The following TMEM182 variants were observed in gnomAD, a reference collection of about 807,000 sequenced individuals.
TMEM182 encodes transmembrane protein 182.
In TMEM182, 20 loss-of-function variants were observed where a neutral mutation model predicts 26.8. The ratio of observed to expected loss-of-function variants is 0.75; its 90% CI spans 0.53 to 1.09. The LOEUF (loss-of-function observed/expected upper bound fraction) is 1.09, where lower values mean the gene tolerates loss of function less well. Ranked by LOEUF, TMEM182 falls within the 50% of genes least tolerant of loss-of-function variation. The pLI is 0.00. For synonymous variants in TMEM182, 109 were observed against 102.2 expected, an observed-to-expected ratio of 1.07 and a Z score of -0.40; for missense variants, 277 against 275.5, an observed-to-expected ratio of 1.01 and a Z score of -0.04.
At chr2:102,811,920 A>G (rs915222285) in intron 4 of TMEM182, among the ~76,000 whole-genome samples, 1 of 152,270 alleles carries the variant, frequency 6.6e-6, no homozygotes, top group Non-Finnish European at 1.5e-5. Context: ...CAAGATCTGG[A>G]CACTTGGTAT....
At chr2:102,753,826 A>G (rs1679955071) in intron 1 of TMEM182, among the ~76,000 whole-genome samples, 1 of 152,208 alleles carries the variant, frequency 6.6e-6, no homozygotes, top group Non-Finnish European at 1.5e-5. Context: ...CACCTACCTT[A>G]CAGCATTGTG....
At chr2:102,792,813 G>C (rs1466603536) in intron 3 of TMEM182, among the ~76,000 whole-genome samples, 2 of 152,162 alleles carry the variant, frequency 1.3e-5, no homozygotes, top group African/African-American at 2.4e-5. Context: ...ATCTGTGGTT[G>C]TACAGGGGAT....
At chr2:102,839,151 T>C (rs188190385) in intron 3 of TMEM182, among the ~76,000 whole-genome samples, 2 of 152,246 alleles carry the variant, frequency 1.3e-5, no homozygotes, top group African/African-American at 4.8e-5. Flanking sequence ...TTTGTAATTA[T>C]GTTTGTTTCA....
chr2:102,816,550 G>T lies in TMEM182; in HGVS notation c.*1582G>T, dbSNP rs1013122486. On this transcript the variant is annotated 3_prime_UTR_variant, in exon 5 of 5. Coordinates refer to ENST00000412401, the MANE Select transcript of TMEM182 (RefSeq NM_144632.5). ...TAATAATAATAATAATAATAATAAAGCTCCAGAGGCCTAACTGGTTTCTCA... is the reference window on the plus strand; with the variant it reads ...TAATAATAATAATAATAATAATAAATCTCCAGAGGCCTAACTGGTTTCTCA... 1 of 815,666 alleles carries T rather than the reference G, an allele frequency of 1.2e-6. No homozygotes were observed. Among genetic ancestry groups the T allele is most frequent in the African/African-American group, 2.2e-5 (1 of 45,660 alleles). 50.5% of individuals were successfully genotyped at this position (815,666 alleles called of 1,614,324 possible).
At chr2:102,837,171 C>T (rs1683260725) in intron 3 of TMEM182, among the ~76,000 whole-genome samples, 1 of 152,098 alleles carries the variant, frequency 6.6e-6, no homozygotes, top group African/African-American at 2.4e-5. Context: ...ATTCTTAGAA[C>T]ATTAGTTCCA....
upstream of TMEM182, chr2:102,757,422 T>TTA (rs1473445937): frequency 6.6e-6 from 1 of 152,196 alleles, no homozygotes; most frequent in Non-Finnish European, 1.5e-5. Flanking sequence ...GAGAAGATCT[T>TTA]TAACTCCTCC....
chr2:102,797,974 C>T lies in TMEM182; in HGVS notation c.443C>T (p.Ala148Val), dbSNP rs1381659699. Residue 148 changes from alanine (A) to valine (V), a missense_variant, in exon 4 of 5, where the codon GCT becomes GTT. Transcript: ENST00000412401. ...APFASHFLYK[A>V]GGGSYIAAGI... is the part of the protein sequence containing the mutation. ...TTCGCCAGCCATTTTCTCTACAAAG[C>T]TGGGGGAGGCTCATATATTGCTGCA... 1.4e-5 allele frequency: 23 copies of T among 1,613,902 alleles called. No individual in the cohort carries two copies. The highest frequency in any genetic ancestry group is 1.9e-5 in the Non-Finnish European group (23 of 1,180,022).
In TMEM182 at chr2:102,814,896, T is replaced by A. The variant is rs746348425; in HGVS notation, c.618T>A (p.Ala206=). ...GCTGGTCATTTTTCCTGGCCCCAGCTGGGATATTTTTTTCTTTGCTAGCTG... is the reference window on the plus strand; with the variant it reads ...GCTGGTCATTTTTCCTGGCCCCAGCAGGGATATTTTTTTCTTTGCTAGCTG... The part of the protein sequence containing the change: ...LYGWSFFLAP[A]GIFFSLLAGL... The change falls in exon 5 of 5, where the codon GCT becomes GCA. Residue 206 remains alanine (A), a synonymous_variant. Coordinates refer to ENST00000412401, the MANE Select transcript of TMEM182 (RefSeq NM_144632.5). The A allele has an allele frequency of 6.2e-7, 1 of 1,613,896 alleles. No individual in the cohort carries two copies. The highest frequency in any genetic ancestry group is 1.7e-5 in the Admixed American group (1 of 59,938).
In TMEM182 at chr2:102,814,776, G is replaced by C. The variant is rs747549823; in HGVS notation, c.498G>C (p.Leu166=). The C allele has an allele frequency of 1.9e-6, 3 of 1,613,732 alleles. No homozygotes were observed. The highest frequency in any genetic ancestry group is 1.7e-5 in the Admixed American group (1 of 59,908). ...AGILFSLVVM[L]YVIWVQAVAD... is the part of the protein sequence containing the mutation. ...TCCTATTTTCATTGGTGGTGATGCTGTATGTCATCTGGGTCCAGGCAGTGG... is the reference window on the plus strand; with the variant it reads ...TCCTATTTTCATTGGTGGTGATGCTCTATGTCATCTGGGTCCAGGCAGTGG... Residue 166 remains leucine, a synonymous_variant, in exon 5 of 5, where the codon CTG becomes CTC. Coordinates refer to ENST00000412401, the MANE Select transcript of TMEM182 (RefSeq NM_144632.5).
At chr2:102,784,723 A>G (rs1197158713) in intron 3 of TMEM182, among the ~76,000 whole-genome samples, 1 of 152,180 alleles carries the variant, frequency 6.6e-6, no homozygotes, top group Non-Finnish European at 1.5e-5. Flanking sequence ...CAAAGGGTGG[A>G]TTATTCATGC....
rs930327938 is a variant in TMEM182 at position 102,816,126 on chromosome 2, A to C, written c.*1158A>C. 1 of 985,320 alleles carries C rather than the reference A, an allele frequency of 1.0e-6. No homozygotes were observed. Among genetic ancestry groups the C allele is most frequent in the Non-Finnish European group, 1.2e-6 (1 of 829,954 alleles). 61.0% of individuals were successfully genotyped at this position (985,320 alleles called of 1,614,324 possible). ...TTATTCAGTAGCATAGACATTTTGCATATCAAAGATGTTCATTTGGCACTA... is the reference window on the plus strand; with the variant it reads ...TTATTCAGTAGCATAGACATTTTGCCTATCAAAGATGTTCATTTGGCACTA... On this transcript the variant is annotated 3_prime_UTR_variant, in exon 5 of 5. Transcript: ENST00000412401.
intron 3 of TMEM182, among the ~76,000 whole-genome samples, chr2:102,777,398 C>T (rs992742012): frequency 9.2e-5 from 14 of 152,062 alleles, no homozygotes; most frequent in African/African-American, 3.4e-4. Flanking sequence ...ATGGAAAAAA[C>T]GACTTTCTCC....
intron 3 of TMEM182, among the ~76,000 whole-genome samples, chr2:102,831,886 T>C (rs925806540): frequency 3.9e-5 from 6 of 152,218 alleles, no homozygotes. Context: ...CACCAACTGA[T>C]GGCAAAGAAG....
chr2:102,765,191 C>T (rs1490384198), intron 3 of TMEM182, among the ~76,000 whole-genome samples: 2 of 152,058 alleles, frequency 1.3e-5, no homozygotes, highest in African/African-American at 4.8e-5. Context: ...CATACACATA[C>T]ACACATAGAG....
chr2:102,743,161 A>G (rs970805275), intron 1 of TMEM182, among the ~76,000 whole-genome samples: 3 of 152,218 alleles, frequency 2.0e-5, no homozygotes, highest in Admixed American at 2.0e-4. Flanking sequence ...GCATTTCGAA[A>G]TACAAAGTCA....
intron 1 of TMEM182, among the ~76,000 whole-genome samples, chr2:102,738,553 C>T (rs1382397025): frequency 1.3e-5 from 2 of 152,094 alleles, no homozygotes; most frequent in African/African-American, 4.8e-5. Flanking sequence ...GATCGCCCCA[C>T]TGCACTCCAG....
At chr2:102,840,436 G>T (rs531353035) in intron 3 of TMEM182, among the ~76,000 whole-genome samples, 1 of 152,138 alleles carries the variant, frequency 6.6e-6, no homozygotes, top group Non-Finnish European at 1.5e-5. Flanking sequence ...TCTAGACTTG[G>T]TGAATGCACC....
At chr2:102,785,800 G>A (rs936399045) in intron 3 of TMEM182, among the ~76,000 whole-genome samples, 2 of 152,098 alleles carry the variant, frequency 1.3e-5, no homozygotes, top group African/African-American at 2.4e-5. Flanking sequence ...GTGATTTCTT[G>A]GATGTTAGAT....
intron 3 of TMEM182, among the ~76,000 whole-genome samples, chr2:102,839,004 C>A (rs926915101): frequency 6.6e-6 from 1 of 152,006 alleles, no homozygotes; most frequent in Non-Finnish European, 1.5e-5. Flanking sequence ...TTAGTAATAC[C>A]CCATATAGCA....
Sources: gnomAD v4.1 joint callset for allele counts (sites outside exome capture counted in the v4.1 genomes callset) on GRCh38, gnomAD v4.1.1 for gene constraint, MANE v1.5 for transcripts, NCBI Gene and HGNC (gene_info 2026-07-23, HGNC 2026-07-21) for gene names.